Variants in ANTXR1 observed in about 807,000 individuals in gnomAD.
ANTXR1 encodes anthrax toxin receptor 1.
A neutral mutation model predicts 78.1 loss-of-function variants in ANTXR1; 19 were observed. That is an observed-to-expected ratio of 0.24 (90% CI 0.17 to 0.36). ANTXR1 has a LOEUF of 0.36. Ranked by LOEUF, ANTXR1 falls within the 10% of genes least tolerant of loss-of-function variation. The pLI is 1.00. For missense variants in ANTXR1, 518 were observed against 718.6 expected (o/e 0.72, Z 3.19); for synonymous variants, 273 against 260.5 (o/e 1.05, Z -0.46).
At chr2:69,118,857 A>G (rs551476714) in intron 10 of ANTXR1, among the ~76,000 whole-genome samples, 4 of 152,200 alleles carry the variant, frequency 2.6e-5, no homozygotes, top group South Asian at 4.2e-4. Context: ...GAGAGAGAGA[A>G]AAAAGTCACT....
chr2:69,189,470 G>A (rs6760514), intron 16 of ANTXR1, among the ~76,000 whole-genome samples: 11,615 of 152,272 alleles, frequency 0.076, 1,466 homozygotes, highest in African/African-American at 0.26. Context: ...ATGTTTCATG[G>A]TTCATTTTAT....
intron 10 of ANTXR1, among the ~76,000 whole-genome samples, chr2:69,111,160 G>A (rs1009949273): frequency 6.6e-6 from 1 of 152,196 alleles, no homozygotes; most frequent in Non-Finnish European, 1.5e-5. Flanking sequence ...CATTTGGTTA[G>A]TTCCTCAGTC....
chr2:69,235,255 T>C (rs1675727068), intron 17 of ANTXR1, among the ~76,000 whole-genome samples: 1 of 152,014 alleles, frequency 6.6e-6, no homozygotes, highest in Non-Finnish European at 1.5e-5. Context: ...ACTCCCGACT[T>C]CAGGTAATCT....
At chr2:69,053,737 T>C (rs1471182289) in intron 3 of ANTXR1, among the ~76,000 whole-genome samples, 1 of 152,154 alleles carries the variant, frequency 6.6e-6, no homozygotes, top group East Asian at 1.9e-4. Context: ...GTCAAAGAAT[T>C]ATTATATCTT....
chr2:69,152,655 C>T (rs1227008885), intron 13 of ANTXR1, among the ~76,000 whole-genome samples: 1 of 152,238 alleles, frequency 6.6e-6, no homozygotes, highest in African/African-American at 2.4e-5. Flanking sequence ...AACCTATACT[C>T]TTCTAAGGCC....
intron 3 of ANTXR1, among the ~76,000 whole-genome samples, chr2:69,066,356 G>T (rs1471162136): frequency 6.6e-6 from 1 of 152,012 alleles, no homozygotes; most frequent in Non-Finnish European, 1.5e-5. Flanking sequence ...GAGTGCAATG[G>T]CATGATCTTG....
At chr2:69,051,953 AT>A (rs942986570) in intron 3 of ANTXR1, among the ~76,000 whole-genome samples, 1 of 151,780 alleles carries the variant, frequency 6.6e-6, no homozygotes, top group Non-Finnish European at 1.5e-5. Context: ...TCATTCATTT[AT>A]TTTTTACTTT....
intron 6 of ANTXR1, among the ~76,000 whole-genome samples, chr2:69,074,710 A>G (rs1033473041): frequency 2.0e-5 from 3 of 152,248 alleles, no homozygotes; most frequent in Non-Finnish European, 4.4e-5. Context: ...TGTCCTTTCT[A>G]GAATTCAGTG....
At chr2:69,099,048 A>G (rs948642757) in intron 9 of ANTXR1, among the ~76,000 whole-genome samples, 4 of 152,294 alleles carry the variant, frequency 2.6e-5, no homozygotes, top group Admixed American at 1.3e-4. Context: ...TATAATAACT[A>G]TCTAATTCCA....
chr2:69,161,404 A>T (rs974655942), intron 13 of ANTXR1, among the ~76,000 whole-genome samples: 2 of 152,218 alleles, frequency 1.3e-5, no homozygotes, highest in African/African-American at 2.4e-5. Context: ...GGAGGGAAAA[A>T]AAGTTGACCT....
intron 12 of ANTXR1, among the ~76,000 whole-genome samples, chr2:69,138,041 A>G (rs1385530400): frequency 6.7e-6 from 1 of 150,162 alleles, no homozygotes; most frequent in African/African-American, 2.5e-5. Flanking sequence ...CCAAGATTGC[A>G]CCATTGCACT....
chr2:69,145,350 C>A (rs375706713), intron 12 of ANTXR1: 1 of 1,599,510 alleles, frequency 6.3e-7, no homozygotes, highest in Non-Finnish European at 8.5e-7. Flanking sequence ...TGCATCAGGC[C>A]CCACAACAGC....
intron 1 of ANTXR1, among the ~76,000 whole-genome samples, chr2:69,036,370 C>G (rs928762646): frequency 5.3e-5 from 8 of 152,154 alleles, no homozygotes; most frequent in African/African-American, 1.9e-4. Context: ...AACAAACAAT[C>G]CAATTATACT....
At chr2:69,052,985 C>T (rs145395921) in intron 3 of ANTXR1, among the ~76,000 whole-genome samples, 1 of 152,236 alleles carries the variant, frequency 6.6e-6, no homozygotes, top group East Asian at 1.9e-4. Flanking sequence ...TATGACCTTG[C>T]TGTTGAAGGT....
At chr2:69,161,780 T>C (rs954751347) in intron 13 of ANTXR1, among the ~76,000 whole-genome samples, 7 of 152,144 alleles carry the variant, frequency 4.6e-5, no homozygotes, top group Non-Finnish European at 7.4e-5. Context: ...AAGCCCTTAT[T>C]AGATGGCTTT....
intron 14 of ANTXR1, among the ~76,000 whole-genome samples, chr2:69,180,143 CTGCTT>C (rs1674237463): frequency 6.6e-6 from 1 of 152,258 alleles, no homozygotes; most frequent in South Asian, 2.1e-4. Context: ...CAACATGTTT[CTGCTT>C]TGCTTTGTCA....
intron 6 of ANTXR1, among the ~76,000 whole-genome samples, chr2:69,074,011 T>G (rs916509798): frequency 9.9e-5 from 15 of 152,246 alleles, no homozygotes; most frequent in African/African-American, 3.4e-4. Flanking sequence ...ATTCATTCAT[T>G]TATTCATTCA....
chr2:69,018,359 A>G (rs1671087034), intron 1 of ANTXR1, among the ~76,000 whole-genome samples: 1 of 152,166 alleles, frequency 6.6e-6, no homozygotes, highest in Non-Finnish European at 1.5e-5. Context: ...CCACACCTGG[A>G]TGATGCCCTG....
chr2:69,030,762 G>A (rs1010638659), intron 1 of ANTXR1, among the ~76,000 whole-genome samples: 1 of 152,016 alleles, frequency 6.6e-6, no homozygotes, highest in Non-Finnish European at 1.5e-5. Context: ...CTCCCAAGGC[G>A]CAATTTTTCC....
Sources: allele counts gnomAD v4.1 joint callset (sites outside exome capture counted in the v4.1 genomes callset), GRCh38; gene constraint gnomAD v4.1.1; transcripts MANE v1.5; gene names NCBI Gene and HGNC (gene_info 2026-07-23, HGNC 2026-07-21).